The following FMN1 variants were observed in gnomAD, a reference collection of about 807,000 sequenced individuals.
FMN1 encodes the protein formin 1, also known as formin-1.
A neutral mutation model predicts 132.4 loss-of-function variants in FMN1; 110 were observed. That is an observed-to-expected ratio of 0.83 (90% CI 0.71 to 0.97). The LOEUF (loss-of-function observed/expected upper bound fraction) is 0.97, where lower values mean the gene tolerates loss of function less well. Among genes scored for constraint, FMN1 ranks in the 50% least tolerant of loss-of-function variants. FMN1 has a pLI of 0.00. For missense variants in FMN1, 1,792 were observed against 1,705.3 expected, an observed-to-expected ratio of 1.05 and a Z score of -0.90; for synonymous variants, 722 against 651.7, an observed-to-expected ratio of 1.11 and a Z score of -1.64.
chr15:32,781,808 T>A (rs938055107), intron 19 of FMN1, among the ~76,000 whole-genome samples: 4 of 152,356 alleles, frequency 2.6e-5, no homozygotes, highest in African/African-American at 9.6e-5. Flanking sequence ...CCACACCTAA[T>A]AACATTGTTG....
intron 17 of FMN1, among the ~76,000 whole-genome samples, chr15:32,849,053 G>T (rs191028355): frequency 1.5e-5 from 2 of 134,462 alleles, no homozygotes; most frequent in Admixed American, 1.8e-4. Flanking sequence ...GCGCAATCTC[G>T]GCTCACTGCA....
intron 3 of FMN1, among the ~76,000 whole-genome samples, chr15:33,174,328 G>A (rs907807248): frequency 3.3e-5 from 5 of 152,054 alleles, no homozygotes; most frequent in Non-Finnish European, 1.5e-5. Context: ...CCACAGACCT[G>A]TAAGTCCTTC....
chr15:32,946,629 C>A (rs575522930), intron 9 of FMN1, among the ~76,000 whole-genome samples: 2 of 152,086 alleles, frequency 1.3e-5, no homozygotes, highest in Admixed American at 1.3e-4. Context: ...AATTATGAGA[C>A]CTAATGATTT....
In FMN1 at chr15:32,777,699, AAC is replaced by A. The variant is rs1360147619; in HGVS notation, c.4131-782_4131-781del. Among the ~76,000 whole-genome samples, 26 of 138,554 alleles carry A rather than the reference AAC, an allele frequency of 1.9e-4. 5 individuals are homozygous for A. The highest frequency in any genetic ancestry group is 2.8e-4 in the Non-Finnish European group (18 of 64,696). 90.9% of individuals were successfully genotyped at this position (138,554 alleles called of 152,430 possible). ...CATTTATATATTACGTATAACATAT[AAC>A]ACATTTACTTATATATTACGTATAA... On this transcript the variant is annotated intron_variant, in intron 19 of 20. Coordinates refer to ENST00000616417, the MANE Select transcript of FMN1 (RefSeq NM_001277313.2).
At chr15:33,067,181 A>AC in intron 5 of FMN1, 1 of 1,613,680 alleles carries the variant, frequency 6.2e-7, no homozygotes, top group South Asian at 1.1e-5. Flanking sequence ...TTCTTCTCCC[A>AC]CCTGGTCCTG....
intron 4 of FMN1, among the ~76,000 whole-genome samples, chr15:33,148,457 G>A (rs1964314874): frequency 6.6e-6 from 1 of 152,190 alleles, no homozygotes. Context: ...GGCCCTGGAA[G>A]GCTGACCCCG....
chr15:33,127,817 C>T (rs769589523), intron 4 of FMN1, among the ~76,000 whole-genome samples: 2 of 152,212 alleles, frequency 1.3e-5, no homozygotes, highest in Non-Finnish European at 2.9e-5. Context: ...AGATCTCATT[C>T]CTCAGTCTCC....
chr15:33,191,131 C>T (rs943449082), intron 2 of FMN1, among the ~76,000 whole-genome samples: 1 of 150,702 alleles, frequency 6.6e-6, no homozygotes, highest in African/African-American at 2.4e-5. Context: ...GACCGTGCCA[C>T]TGCACTCCAG....
intron 6 of FMN1, among the ~76,000 whole-genome samples, chr15:33,039,135 G>A (rs1294058853): frequency 1.3e-5 from 2 of 152,110 alleles, no homozygotes; most frequent in African/African-American, 4.8e-5. Context: ...CAATAAAAGA[G>A]CTATCATAGT....
intron 16 of FMN1, among the ~76,000 whole-genome samples, chr15:32,875,799 A>G (rs538579662): frequency 6.6e-6 from 1 of 152,340 alleles, no homozygotes; most frequent in African/African-American, 2.4e-5. Context: ...AAGTATTTTG[A>G]TATTCACAAA....
intron 9 of FMN1, among the ~76,000 whole-genome samples, chr15:32,942,217 G>C (rs1297501402): frequency 6.6e-6 from 1 of 152,240 alleles, no homozygotes; most frequent in African/African-American, 2.4e-5. Context: ...CATTAAGCCA[G>C]TATAGACAAA....
chr15:32,837,003 A>G (rs536826700), intron 17 of FMN1: 31 of 229,908 alleles, frequency 1.3e-4, no homozygotes, highest in African/African-American at 7.2e-4. Flanking sequence ...TTTCATTCCA[A>G]TTGTCTCCTG....
In FMN1 at chr15:33,024,223, A is replaced by ATTTTTTTTTTTTTTTTTTTTTT. The variant is rs555760509; in HGVS notation, c.2162-16170_2162-16149dup. On this transcript the variant is annotated intron_variant, in intron 6 of 20. Coordinates refer to ENST00000616417, the MANE Select transcript of FMN1 (RefSeq NM_001277313.2). The stretch of plus-strand genomic sequence containing the variant: ...GGGAATACTATTTCACACCTATCAG[A>ATTTTTTTTTTTTTTTTTTTTTT]TTTTTTTTTTTTTTTTTTTTTTTTT... Among the ~76,000 whole-genome samples, 6 of 88,016 alleles carry ATTTTTTTTTTTTTTTTTTTTTT rather than the reference A, an allele frequency of 6.8e-5. 1 individual carries two copies. Among genetic ancestry groups the ATTTTTTTTTTTTTTTTTTTTTT allele is most frequent in the African/African-American group, 1.8e-4 (4 of 22,818 alleles). The allele number at this position is 88,016 out of a possible 152,430, so 57.7% of individuals were successfully genotyped here.
chr15:32,961,325 G>C (rs924359344), intron 9 of FMN1, among the ~76,000 whole-genome samples: 1 of 151,878 alleles, frequency 6.6e-6, no homozygotes, highest in Non-Finnish European at 1.5e-5. Context: ...GTAGAGACGG[G>C]GTTTCCCGAA....
intron 10 of FMN1, among the ~76,000 whole-genome samples, chr15:32,915,290 C>A (rs2060657907): frequency 6.6e-6 from 1 of 152,202 alleles, no homozygotes; most frequent in South Asian, 2.1e-4. Flanking sequence ...TAATTCTATT[C>A]TCAAAATACT....
At chr15:32,929,274 T>C (rs1449448443) in intron 9 of FMN1, among the ~76,000 whole-genome samples, 1 of 152,212 alleles carries the variant, frequency 6.6e-6, no homozygotes, top group Non-Finnish European at 1.5e-5. Context: ...TATGTTTCCA[T>C]GTAGCCACTC....
At chr15:33,131,773 CACTT>C (rs1452075109) in intron 4 of FMN1, among the ~76,000 whole-genome samples, 1 of 152,154 alleles carries the variant, frequency 6.6e-6, no homozygotes, top group Non-Finnish European at 1.5e-5. Context: ...GTGTAGTCAA[CACTT>C]ACTAGGTAAG....
At position 33,154,333 on chromosome 15, in the gene FMN1, G is replaced by C. The variant is rs542461909; in HGVS notation, c.582C>G (p.Asp194Glu). The change falls in exon 4 of 21, where the codon GAC (aspartate) becomes GAG (glutamate). Residue 194 changes from aspartate to glutamate, a missense_variant. Physicochemically the swap from Asp to Glu is conservative, Grantham distance 45 (BLOSUM62 2). Around this residue, in one of 3 missense-constraint regions of FMN1, gnomAD observed 638 missense variants for 645.2 expected, o/e 0.99. Transcript: ENST00000616417. Reference sequence around the variant, plus strand: ...GAAGGGAGTGGCTGGAACAGATCTTGTCCTTGCCCATCAGAGGAGCTGATT... The same window carrying C: ...GAAGGGAGTGGCTGGAACAGATCTTCTCCTTGCCCATCAGAGGAGCTGATT... ...GRESAPLMGKDKICSSHSLPL... is the reference protein window; with the variant it reads ...GRESAPLMGKEKICSSHSLPL... The C allele has an allele frequency of 2.0e-6, 3 of 1,536,128 alleles. No individual in the cohort carries two copies. In the Admixed American group the frequency reaches 5.9e-5, roughly 30 times the overall value.
intron 3 of FMN1, among the ~76,000 whole-genome samples, chr15:33,157,551 T>C (rs370931089): frequency 1.3e-5 from 2 of 152,222 alleles, no homozygotes; most frequent in South Asian, 4.1e-4. Context: ...ATAGGTCATG[T>C]TGCTCTTCAC....
Sources: gnomAD v4.1 joint callset for allele counts (sites outside exome capture counted in the v4.1 genomes callset) on GRCh38, gnomAD v4.1.1 for gene constraint, gnomAD v4.1.1 regional missense constraint, MANE v1.5 for transcripts, NCBI Gene and HGNC (gene_info 2026-07-23, HGNC 2026-07-21) for gene names.